Variants in DNAH1 observed in about 807,000 individuals in gnomAD.
DNAH1 encodes the protein dynein axonemal heavy chain 1.
Under a neutral mutation model 484.3 loss-of-function variants are expected in DNAH1, and 327 were observed. The observed-to-expected ratio is 0.68, with a 90% CI of 0.62 to 0.74. The LOEUF (loss-of-function observed/expected upper bound fraction) is 0.74. DNAH1 is among the 30% of genes least tolerant of loss of function. DNAH1 has a pLI of 0.00. For missense variants in DNAH1, 5,052 were observed against 5,546.8 expected (o/e 0.91, Z 2.83); for synonymous variants, 2,192 against 2,191.9 (o/e 1.00, Z 0.00).
chr3:52,362,876 C>A lies in DNAH1; in HGVS notation c.5095-119C>A, dbSNP rs1702920079. On this transcript the variant is annotated intron_variant, in intron 31 of 77. Transcript: ENST00000420323. The surrounding 1 kb of genome is among the most constrained non-coding windows in gnomAD (Gnocchi z 5.1). ...AGTCTCAGGGGAGTGAAAGCCTCAG[C>A]TGTGGCAGGCTTGGTGCAGCAGGGA... The A allele has an allele frequency of 1.4e-6, 2 of 1,400,172 alleles. No individual in the cohort carries two copies. The highest frequency in any genetic ancestry group is 2.0e-6 in the Non-Finnish European group (2 of 1,011,256). The allele number at this position is 1,400,172 out of a possible 1,614,324, so 86.7% of individuals were successfully genotyped here.
chr3:52,350,073 A>T lies in DNAH1; in HGVS notation c.2611A>T (p.Met871Leu), dbSNP rs1702309344. 4 of 1,612,846 alleles carry T rather than the reference A, an allele frequency of 2.5e-6. No homozygotes were observed. Among genetic ancestry groups the T allele is most frequent in the Non-Finnish European group, 3.4e-6 (4 of 1,179,688 alleles). Residue 871 changes from methionine (M) to leucine (L), a missense_variant, in exon 15 of 78, where the codon ATG (methionine) becomes TTG (leucine). Transcript: ENST00000420323. ...GGAGCTGGCTGAGCTGCGAGAGTGG[A>T]TGAAGGGCATCCCGGAGAGGCTGGT... ...IEELAELREW[M>L]KGIPERLVGL...
chr3:52,362,433 TC>T lies in DNAH1; in HGVS notation c.5028del (p.Cys1677AlafsTer7). The T allele has an allele frequency of 1.2e-6, 2 of 1,613,972 alleles. No homozygotes were observed. The highest frequency in any genetic ancestry group is 1.7e-6 in the Non-Finnish European group (2 of 1,179,902). On this transcript the variant is annotated frameshift_variant, in exon 31 of 78. Coordinates refer to ENST00000420323, the MANE Select transcript of DNAH1 (RefSeq NM_015512.5). LOFTEE classifies it high-confidence loss of function. The surrounding 1 kb of genome is among the most constrained non-coding windows in gnomAD (Gnocchi z 5.1). ...GGGTGTGGAGATCCCACTGGTGCCA[TC>T]CTGCGCAGTGTTTATCACCATGAAC... ...FEGVEIPLVP[S>X]CAVFITMNPG...
In DNAH1 at chr3:52,361,654, C is replaced by T. The variant is rs904024492; in HGVS notation, c.4875-7C>T. The T allele has an allele frequency of 1.3e-6, 2 of 1,598,312 alleles. No individual in the cohort carries two copies. Among genetic ancestry groups the T allele is most frequent in the Non-Finnish European group, 1.7e-6 (2 of 1,172,716 alleles). On this transcript the variant is annotated splice_polypyrimidine_tract_variant and splice_region_variant and intron_variant, in intron 29 of 77. Coordinates refer to ENST00000420323, the MANE Select transcript of DNAH1 (RefSeq NM_015512.5). This position sits in a 1 kb window ranked among gnomAD's most constrained non-coding sequence, Gnocchi z 5.6. ...TGTGCCCCATCCAATGTTCCGGCCT[C>T]ACTCAGTGCTGGGGCCTGGGCCTGC...
rs765064046 is a variant in DNAH1 at position 52,386,333 on chromosome 3, C to T, written c.8799C>T (p.Asn2933=). The part of the protein sequence containing the change: ...ALASLRNLNK[N]DVTEVRAMQR... Reference sequence around the variant, plus strand: ...CCAGCCTGCGCAACCTCAACAAGAACGATGTGACCGAGGTGGGCAGCAGGG... The same window carrying T: ...CCAGCCTGCGCAACCTCAACAAGAATGATGTGACCGAGGTGGGCAGCAGGG... Residue 2933 remains asparagine (N), a synonymous_variant, in exon 55 of 78, where the codon AAC becomes AAT. Transcript: ENST00000420323. 3 of 1,577,442 alleles carry T rather than the reference C, an allele frequency of 1.9e-6. No individual in the cohort carries two copies. The highest frequency in any genetic ancestry group is 4.7e-5 in the East Asian group (2 of 42,544).
rs887441663 is a variant in DNAH1, at chr3:52,316,321, G to T, written c.-259G>T. 3.3e-5 allele frequency: 5 copies of T among 152,442 alleles called. No homozygotes were observed. Among genetic ancestry groups the T allele is most frequent in the Middle Eastern group, 3.4e-3 (1 of 294 alleles). The allele number at this position is 152,442 out of a possible 1,614,324, so 9.4% of individuals were successfully genotyped here. The stretch of plus-strand genomic sequence containing the variant: ...GCAGGTGCCTCTCTACAGGCCAAGG[G>T]GGGTACCCAACCTATACGCAGACCC... On this transcript the variant is annotated 5_prime_UTR_variant, in exon 1 of 78. Coordinates refer to ENST00000420323, the MANE Select transcript of DNAH1 (RefSeq NM_015512.5).
intron 75 of DNAH1, 122 bp from the exon 76 acceptor site, chr3:52,398,728 C>T: frequency 1.2e-6 from 1 of 842,818 alleles, no homozygotes; most frequent in Non-Finnish European, 1.7e-6. Context: ...CCTGACCCAG[C>T]TCTCTGCTCT....
Position 52,351,759 on chromosome 3 carries a change from C to T in DNAH1, c.2730-203C>T, listed in dbSNP as rs373330819. On this transcript the variant is annotated intron_variant, in intron 16 of 77. Transcript: ENST00000420323. ...CAGCTCCCAGGGGGCAGGGCAGCCT[C>T]CCTGATGGTGGCAGTCGCGCCTCCC... Among the ~76,000 whole-genome samples the T allele has an allele frequency of 3.2e-4, 49 of 152,336 alleles. No homozygotes were observed. In the South Asian group the frequency reaches 9.1e-3, roughly 28 times the overall value.
Position 52,386,885 on chromosome 3 carries a change from G to A in DNAH1, c.9003+32G>A, listed in dbSNP as rs11721277. 184,809 of 1,514,918 alleles carry A rather than the reference G, an allele frequency of 0.12. 12,638 individuals are homozygous for A. The highest frequency in any genetic ancestry group is 0.24 in the African/African-American group (16,986 of 71,850). The allele number at this position is 1,514,918 out of a possible 1,614,324, so 93.8% of individuals were successfully genotyped here. On this transcript the variant is annotated intron_variant, in intron 56 of 77. Transcript: ENST00000420323. ...ATGCCAGGCACCCTGGCCAGCCAGC[G>A]AGTGAGGACAAGGCCCGCCCGGCAG...
At chr3:52,373,129 G>T in intron 44 of DNAH1, 76 bp downstream of exon 44, 2 of 1,470,134 alleles carry the variant, frequency 1.4e-6, no homozygotes, top group Middle Eastern at 2.1e-4. Context: ...CAGCACTGAA[G>T]GCCTACAATA....
At chr3:52,385,238 G>T in intron 53 of DNAH1, 99 bp from the exon 54 acceptor site, 1 of 1,279,210 alleles carries the variant, frequency 7.8e-7, no homozygotes, top group South Asian at 1.3e-5. Context: ...CGAAGCTGCC[G>T]GCCACAGCTT....
upstream of DNAH1, among the ~76,000 whole-genome samples, chr3:52,311,708 A>G (rs1700765201): frequency 6.6e-6 from 1 of 152,192 alleles, no homozygotes; most frequent in Non-Finnish European, 1.5e-5. Flanking sequence ...GTGACCAGAC[A>G]AAGGGACAGG....
rs1703969792 is a variant in DNAH1 at position 52,383,782 on chromosome 3, T to C, written c.8151-78T>C. The C allele has an allele frequency of 4.0e-6, 6 of 1,486,404 alleles. No individual in the cohort carries two copies. In the African/African-American group the frequency reaches 5.6e-5, roughly 14 times the overall value. 92.1% of individuals were successfully genotyped at this position (1,486,404 alleles called of 1,614,324 possible). On this transcript the variant is annotated intron_variant, in intron 51 of 77. Transcript: ENST00000420323. Reference sequence around the variant, plus strand: ...TCCTGGCTGCCATGCCACAGGGCTGTGCAAGGGCCCTGGGTCCTGGGCTCC... The same window carrying C: ...TCCTGGCTGCCATGCCACAGGGCTGCGCAAGGGCCCTGGGTCCTGGGCTCC...
intron 46 of DNAH1, among the ~76,000 whole-genome samples, chr3:52,378,102 ATAGGTG>A (rs1481464657): frequency 6.6e-6 from 1 of 152,074 alleles, no homozygotes; most frequent in African/African-American, 2.4e-5. Flanking sequence ...GAACAGGCCG[ATAGGTG>A]TATGAGTGGT....
chr3:52,357,494 C>T lies in DNAH1; in HGVS notation c.3859-120C>T, dbSNP rs1702660793. On this transcript the variant is annotated intron_variant, in intron 22 of 77. Coordinates refer to ENST00000420323, the MANE Select transcript of DNAH1 (RefSeq NM_015512.5). ...CACTGGCTCAGGGAGAATTTTTCTG[C>T]ATCTTCTTTCCCAGGCCCCGCTGAG... 11 of 1,323,712 alleles carry T rather than the reference C, an allele frequency of 8.3e-6. No individual in the cohort carries two copies. In the South Asian group the frequency reaches 9.1e-5, roughly 11 times the overall value. 82.0% of individuals were successfully genotyped at this position (1,323,712 alleles called of 1,614,324 possible). A position where few individuals can be genotyped will look rare whatever the true frequency, so the allele number is the denominator to read the frequency against.
upstream of DNAH1, among the ~76,000 whole-genome samples, chr3:52,315,763 G>A (rs558778244): frequency 3.3e-5 from 5 of 152,354 alleles, no homozygotes; most frequent in East Asian, 9.6e-4. Flanking sequence ...GGTAAGTATG[G>A]TGGCCTTCAG....
intron 56 of DNAH1, among the ~76,000 whole-genome samples, chr3:52,387,823 C>T (rs1704175970): frequency 6.6e-6 from 1 of 152,204 alleles, no homozygotes; most frequent in African/African-American, 2.4e-5. Flanking sequence ...GCCTCAGAAC[C>T]ATTCACTCAT....
chr3:52,388,816 G>A lies in DNAH1; in HGVS notation c.9374G>A (p.Gly3125Glu). ...RLGRAGKLIN[G>E]LSDEKVRWQE... ...GGGCTGCCCCTCCAGCTCATCAACG[G>A]GCTGTCGGATGAGAAGGTGCGCTGG... Residue 3125 changes from glycine to glutamate, a missense_variant, in exon 59 of 78, where the codon GGG (glycine) becomes GAG (glutamate). Coordinates refer to ENST00000420323, the MANE Select transcript of DNAH1 (RefSeq NM_015512.5). The A allele has an allele frequency of 1.2e-6, 2 of 1,613,534 alleles. No individual in the cohort carries two copies. Among genetic ancestry groups the A allele is most frequent in the African/African-American group, 2.7e-5 (2 of 75,064 alleles).
intron 8 of DNAH1, among the ~76,000 whole-genome samples, chr3:52,344,055 C>T (rs574824781): frequency 1.8e-4 from 28 of 152,354 alleles, no homozygotes; most frequent in African/African-American, 5.8e-4. Flanking sequence ...ACCTTCCAGG[C>T]GCTGCCATGA....
Position 52,398,077 on chromosome 3 carries a change from C to A in DNAH1, c.12004C>A (p.Pro4002Thr). The change falls in exon 75 of 78, where the codon CCT becomes ACT. Residue 4002 changes from proline (P) to threonine (T), a missense_variant. By Grantham distance (38) the Pro-to-Thr change is conservative. Transcript: ENST00000420323. ...AAACATTCTGCTCAAGGTGCCTGAGCCTATCAACTTGCAATGGGTGATGGC... is the reference window on the plus strand; with the variant it reads ...AAACATTCTGCTCAAGGTGCCTGAGACTATCAACTTGCAATGGGTGATGGC... ...TQNILLKVPE[P>T]INLQWVMAKY... is the part of the protein sequence containing the mutation. 6.2e-7 allele frequency: 1 copy of A among 1,613,916 alleles called. No homozygotes were observed.
Sources: allele counts gnomAD v4.1 joint callset (sites outside exome capture counted in the v4.1 genomes callset), GRCh38; gene constraint gnomAD v4.1.1; non-coding constraint Gnocchi (gnomAD v3.1); transcripts MANE v1.5; gene names NCBI Gene and HGNC (gene_info 2026-07-23, HGNC 2026-07-21).